Variants in GAMT observed in about 807,000 individuals in gnomAD.
GAMT encodes the protein epididymis secretory protein Li 20.
Under a neutral mutation model 26.9 loss-of-function variants are expected in GAMT, and 26 were observed. That is an observed-to-expected ratio of 0.97 (90% confidence interval 0.71 to 1.34). GAMT has a LOEUF of 1.34. GAMT is among the 40% of genes most tolerant of loss of function. The pLI is 0.00. For synonymous variants in GAMT, 169 were observed against 149.6 expected (o/e 1.13, Z -0.95); for missense variants, 412 against 345.0 (o/e 1.19, Z -1.54).
At chr19:1,397,852 C>T (rs1478014616) in intron 5 of GAMT, 5 of 1,151,410 alleles carry the variant, frequency 4.3e-6, no homozygotes, top group Non-Finnish European at 5.4e-6. Context: ...GAAAAGCTGC[C>T]CCAGGGGCCA....
In GAMT at chr19:1,397,378, G is replaced by T; in HGVS notation, c.692C>A (p.Pro231His). The change falls in exon 6 of 6, where the codon CCC (proline) becomes CAC (histidine). Residue 231 changes from proline to histidine, a missense_variant. Coordinates refer to ENST00000252288, the MANE Select transcript of GAMT (RefSeq NM_000156.6). ...RYYAFPQMIT[P>H]LVTKG is the part of the protein sequence containing the mutation. ...GGGGGCTCAGCCTTTGGTCACCAGG[G>T]GCGTGATCATCTGTGGGAAGGCGTA... 1.9e-6 allele frequency: 3 copies of T among 1,612,274 alleles called. No homozygotes were observed. Among genetic ancestry groups the T allele is most frequent in the Non-Finnish European group, 2.5e-6 (3 of 1,179,784 alleles).
At chr19:1,400,588 C>T (rs1301315247) in intron 1 of GAMT, among the ~76,000 whole-genome samples, 1 of 152,220 alleles carries the variant, frequency 6.6e-6, no homozygotes, top group Non-Finnish European at 1.5e-5. Context: ...TTACTTTTCT[C>T]TCCCCCTCCC....
At position 1,400,045 on chromosome 19, in the gene GAMT, G is replaced by A. The variant is rs1288152154; in HGVS notation, c.182-107C>T. 4.4e-6 allele frequency: 6 copies of A among 1,373,374 alleles called. No individual in the cohort carries two copies. The African/African-American group carries it at 7.2e-5, about 16-fold the overall frequency. The allele number at this position is 1,373,374 out of a possible 1,614,324, so 85.1% of individuals were successfully genotyped here. A position where few individuals can be genotyped will look rare whatever the true frequency, so the allele number is the denominator to read the frequency against. The stretch of plus-strand genomic sequence containing the variant: ...GGGCTGGGGAGACTGCCTGGAGGAG[G>A]GGGCGCAGGGCTGGGCTGGGGGTCT... On this transcript the variant is annotated intron_variant, in intron 1 of 5. Transcript: ENST00000252288.
Position 1,399,483 on chromosome 19 carries a change from C to G in GAMT, c.391+41G>C, listed in dbSNP as rs1243192654. 7.0e-6 allele frequency: 11 copies of G among 1,569,444 alleles called. No individual in the cohort carries two copies. The highest frequency in any genetic ancestry group is 9.6e-6 in the Non-Finnish European group (11 of 1,146,264). On this transcript the variant is annotated intron_variant, in intron 3 of 5. Coordinates refer to ENST00000252288, the MANE Select transcript of GAMT (RefSeq NM_000156.6). This position sits in a 1 kb window ranked among gnomAD's most constrained non-coding sequence, Gnocchi z 6.2. Reference sequence around the variant, plus strand: ...AAGCAAAGGAGGGGCTGCATTGGAGCTGGGGAGGCCCACCCTGTGATACGT... The same window carrying G: ...AAGCAAAGGAGGGGCTGCATTGGAGGTGGGGAGGCCCACCCTGTGATACGT...
At chr19:1,397,692 C>A in intron 5 of GAMT, 193 bp from the exon 6 acceptor site, 1 of 1,392,082 alleles carries the variant, frequency 7.2e-7, no homozygotes, top group Admixed American at 2.5e-5. Context: ...GTGCGGGCAG[C>A]AGCTTCCCGG....
chr19:1,397,405 TAGC>T lies in GAMT; in HGVS notation c.662_664del (p.Arg221_Tyr222delinsHis). 2 of 1,612,084 alleles carry T rather than the reference TAGC, an allele frequency of 1.2e-6. No homozygotes were observed. The highest frequency in any genetic ancestry group is 1.7e-6 in the Non-Finnish European group (2 of 1,179,822). The stretch of plus-strand genomic sequence containing the variant: ...CGTGATCATCTGTGGGAAGGCGTAG[TAGC>T]GGCAGTCGGCCGGTGGGACCAGCGC... On this transcript the variant is annotated inframe_deletion, in exon 6 of 6. Transcript: ENST00000252288.
chr19:1,397,913 C>T, intron 5 of GAMT: 1 of 1,103,582 alleles, frequency 9.1e-7, no homozygotes, highest in Non-Finnish European at 1.1e-6. Context: ...CCACATAGAG[C>T]CCTTCTCAGA....
chr19:1,398,690 C>T (rs1440645014), intron 5 of GAMT: 1 of 1,491,312 alleles, frequency 6.7e-7, no homozygotes, highest in Non-Finnish European at 9.0e-7. Flanking sequence ...GCAATCTGCC[C>T]ACCTCGGCCT....
intron 1 of GAMT, among the ~76,000 whole-genome samples, chr19:1,400,453 G>A (rs1233757041): frequency 6.6e-6 from 1 of 152,204 alleles, no homozygotes; most frequent in Non-Finnish European, 1.5e-5. Flanking sequence ...CGGCCAGAGA[G>A]AGGATGACCA....
Position 1,399,776 on chromosome 19 carries a change from TGCGGG to T in GAMT, c.327+12_327+16del. Reference sequence around the variant, plus strand: ...CAAGGAGTGGGGGTCCTGGAGGGCCTGCGGGCAGAGGGGCACCTTGTGTGTCTGCC... The same window carrying T: ...CAAGGAGTGGGGGTCCTGGAGGGCCTCAGAGGGGCACCTTGTGTGTCTGCC... On this transcript the variant is annotated intron_variant, in intron 2 of 5. Transcript: ENST00000252288. This position sits in a 1 kb window ranked among gnomAD's most constrained non-coding sequence, Gnocchi z 6.2. The T allele has an allele frequency of 6.5e-7, 1 of 1,550,264 alleles. No individual in the cohort carries two copies. The highest frequency in any genetic ancestry group is 8.7e-7 in the Non-Finnish European group (1 of 1,147,570).
Position 1,399,614 on chromosome 19 carries a change from G to A in GAMT, c.328-27C>T, listed in dbSNP as rs1299729160. ...TTGCAGAGGGGAAAAGAAAAAGAGA[G>A]GACAGGGTAGAGAGGTCCCCAGGAT... On this transcript the variant is annotated intron_variant, in intron 2 of 5. Coordinates refer to ENST00000252288, the MANE Select transcript of GAMT (RefSeq NM_000156.6). The surrounding 1 kb of genome is among the most constrained non-coding windows in gnomAD (Gnocchi z 6.2). 6.2e-7 allele frequency: 1 copy of A among 1,605,200 alleles called. No individual in the cohort carries two copies. The highest frequency in any genetic ancestry group is 2.2e-5 in the East Asian group (1 of 44,782).
Position 1,399,099 on chromosome 19 carries a change from C to A in GAMT, c.459+29G>T. The A allele has an allele frequency of 1.2e-6, 2 of 1,613,496 alleles. No homozygotes were observed. The highest frequency in any genetic ancestry group is 1.7e-6 in the Non-Finnish European group (2 of 1,179,980). On this transcript the variant is annotated intron_variant, in intron 4 of 5. Coordinates refer to ENST00000252288, the MANE Select transcript of GAMT (RefSeq NM_000156.6). The surrounding 1 kb of genome is among the most constrained non-coding windows in gnomAD (Gnocchi z 6.2). ...GCAGAGGGGCTTCCCCGAGGGCCTC[C>A]CGCATCCCAGCAAGTCAGAGAGAAC...
chr19:1,401,368 G>C lies in GAMT; in HGVS notation c.109C>G (p.Leu37Val). ...YDAADTHLRILGKPVMERWET... is the reference protein window; with the variant it reads ...YDAADTHLRIVGKPVMERWET... The stretch of plus-strand genomic sequence containing the variant: ...CAGCGCTCCATCACCGGCTTGCCCA[G>C]GATGCGCAGGTGCGTGTCCGCTGCG... The change falls in exon 1 of 6, where the codon CTG becomes GTG. Residue 37 changes from leucine to valine, a missense_variant. By Grantham distance (32) the Leu-to-Val change is conservative (BLOSUM62 1). Transcript: ENST00000252288. 3 of 1,521,644 alleles carry C rather than the reference G, an allele frequency of 2.0e-6. No homozygotes were observed. The highest frequency in any genetic ancestry group is 2.6e-6 in the Non-Finnish European group (3 of 1,143,496). The allele number at this position is 1,521,644 out of a possible 1,614,324, so 94.3% of individuals were successfully genotyped here.
rs767814433 is a variant in GAMT at position 1,399,844 on chromosome 19, A to G, written c.276T>C (p.Asn92=). The G allele has an allele frequency of 1.3e-6, 2 of 1,596,564 alleles. No homozygotes were observed. Among genetic ancestry groups the G allele is most frequent in the Non-Finnish European group, 1.7e-6 (2 of 1,172,356 alleles). ...CCCGGAGCCGCTGGAAGACGCCGTC[A>G]TTGCACTCGATGATCCAATGCTCAT... ...PIDEHWIIEC[N]DGVFQRLRDW... is the part of the protein sequence containing the mutation. Residue 92 remains asparagine, a synonymous_variant, in exon 2 of 6, where the codon AAT becomes AAC. Transcript: ENST00000252288. This position sits in a 1 kb window ranked among gnomAD's most constrained non-coding sequence, Gnocchi z 6.2.
rs774779560 is a variant in GAMT, at chr19:1,399,774, C to T, written c.327+19G>A. The T allele has an allele frequency of 3.2e-6, 5 of 1,542,252 alleles. No homozygotes were observed. In the South Asian group the frequency reaches 4.8e-5, roughly 15 times the overall value. On this transcript the variant is annotated intron_variant, in intron 2 of 5. Transcript: ENST00000252288. This position sits in a 1 kb window ranked among gnomAD's most constrained non-coding sequence, Gnocchi z 6.2. ...CCCAAGGAGTGGGGGTCCTGGAGGG[C>T]CTGCGGGCAGAGGGGCACCTTGTGT...
chr19:1,401,282 C>T lies in GAMT; in HGVS notation c.181+14G>A, dbSNP rs2082631979. 5 of 1,473,244 alleles carry T rather than the reference C, an allele frequency of 3.4e-6. No individual in the cohort carries two copies. Among genetic ancestry groups the T allele is most frequent in the South Asian group, 2.6e-5 (2 of 75,828 alleles). The allele number at this position is 1,473,244 out of a possible 1,614,324, so 91.3% of individuals were successfully genotyped here. ...CTGCGCCCCCGGGGGCGGTGCAGGCCGGGCGGGGGCTACCTTTGGAGGAGG... is the reference window on the plus strand; with the variant it reads ...CTGCGCCCCCGGGGGCGGTGCAGGCTGGGCGGGGGCTACCTTTGGAGGAGG... On this transcript the variant is annotated intron_variant, in intron 1 of 5. Transcript: ENST00000252288.
Position 1,401,303 on chromosome 19 carries a change from G to A in GAMT, c.174C>T (p.Ser58=). ...AGGCCGGGCGGGGGCTACCTTTGGA[G>A]GAGGCGGCGGCGGCCAGCGCGTGCA... ...PYMHALAAAA[S]SKGGRVLEVG... The change falls in exon 1 of 6, where the codon TCC becomes TCT. Residue 58 remains serine (S), a synonymous_variant. Transcript: ENST00000252288. 3 of 1,509,294 alleles carry A rather than the reference G, an allele frequency of 2.0e-6. No homozygotes were observed. Among genetic ancestry groups the A allele is most frequent in the Non-Finnish European group, 2.6e-6 (3 of 1,135,012 alleles). 93.5% of individuals were successfully genotyped at this position (1,509,294 alleles called of 1,614,324 possible). A position where few individuals can be genotyped will look rare whatever the true frequency, so the allele number is the denominator to read the frequency against.
rs2082606599 is a variant in GAMT at position 1,397,423 on chromosome 19, G to A, written c.647C>T (p.Pro216Leu). Residue 216 changes from proline (P) to leucine (L), a missense_variant, in exon 6 of 6, where the codon CCA becomes CTA. Coordinates refer to ENST00000252288, the MANE Select transcript of GAMT (RefSeq NM_000156.6). Reference protein sequence around the residue: ...NIRTEVMALVPPADCRYYAFP... With the variant: ...NIRTEVMALVLPADCRYYAFP... ...GGCGTAGTAGCGGCAGTCGGCCGGT[G>A]GGACCAGCGCCATCACCTCCGTACG... 1 of 1,611,408 alleles carries A rather than the reference G, an allele frequency of 6.2e-7. No individual in the cohort carries two copies.
At chr19:1,400,908 G>T (rs945551783) in intron 1 of GAMT, among the ~76,000 whole-genome samples, 2 of 152,206 alleles carry the variant, frequency 1.3e-5, no homozygotes, top group Non-Finnish European at 2.9e-5. Context: ...AGCCGGGCGA[G>T]TCGGGGCTGC....
Sources: allele counts gnomAD v4.1 joint callset (sites outside exome capture counted in the v4.1 genomes callset), GRCh38; gene constraint gnomAD v4.1.1; non-coding constraint Gnocchi (gnomAD v3.1); transcripts MANE v1.5; gene names NCBI Gene and HGNC (gene_info 2026-07-23, HGNC 2026-07-21).